FHIT: variants seen among roughly 807,000 people sequenced by gnomAD.
FHIT encodes bis(5'-adenosyl)-triphosphatase.
FHIT carries 19 observed loss-of-function variants against 17.9 expected under a neutral mutation model. The observed-to-expected ratio is 1.06, with a 90% CI of 0.74 to 1.56. The LOEUF (loss-of-function observed/expected upper bound fraction) is 1.56, where lower values mean the gene tolerates loss of function less well. Among genes scored for constraint, FHIT ranks in the 40% most tolerant of loss-of-function variants. The pLI is 0.00. For missense variants in FHIT, 248 were observed against 189.2 expected, an observed-to-expected ratio of 1.31 and a Z score of -1.82; for synonymous variants, 81 against 69.7, an observed-to-expected ratio of 1.16 and a Z score of -0.81.
chr3:60,139,807 T>C (rs1699960509), intron 5 of FHIT, among the ~76,000 whole-genome samples: 1 of 127,520 alleles, frequency 7.8e-6, no homozygotes, highest in African/African-American at 3.7e-5. Context: ...TTACCTTAAG[T>C]ACCTTTCATT....
rs1284631783 is a variant in FHIT at position 60,785,930 on chromosome 3, CACACAG to C, written c.-18+35983_-18+35988del. ...ACACACACACACACACACACACACA[CACACAG>C]AGAGAGTACTTTTCAAGATTAGTAA... is the stretch of plus-strand genomic sequence containing the variant. On this transcript the variant is annotated intron_variant, in intron 4 of 9. Coordinates refer to ENST00000492590, the MANE Select transcript of FHIT (RefSeq NM_002012.4). 3.3e-5 allele frequency among the ~76,000 whole-genome samples: 4 copies of C among 119,914 alleles called. No individual in the cohort carries two copies. In the East Asian group the frequency reaches 6.1e-4, roughly 18 times the overall value. 78.7% of individuals were successfully genotyped at this position (119,914 alleles called of 152,430 possible). A position where few individuals can be genotyped will look rare whatever the true frequency, so the allele number is the denominator to read the frequency against.
chr3:59,937,234 C>A (rs1706285699), intron 7 of FHIT, among the ~76,000 whole-genome samples: 2 of 152,098 alleles, frequency 1.3e-5, no homozygotes, highest in Admixed American at 6.5e-5. Flanking sequence ...ATAACTAAAA[C>A]ATGATGACAT....
intron 4 of FHIT, among the ~76,000 whole-genome samples, chr3:60,645,660 G>C (rs1233491429): frequency 1.3e-5 from 2 of 152,044 alleles, no homozygotes; most frequent in African/African-American, 4.8e-5. Context: ...CTGTATTATG[G>C]GTGGCTCTGT....
chr3:61,243,567 C>A (rs1278100065), intron 1 of FHIT, among the ~76,000 whole-genome samples: 1 of 152,106 alleles, frequency 6.6e-6, no homozygotes, highest in South Asian at 2.1e-4. Context: ...TCAAGCTACT[C>A]AATTAGAATG....
intron 5 of FHIT, among the ~76,000 whole-genome samples, chr3:60,284,981 A>G (rs1707652152): frequency 6.6e-6 from 1 of 152,152 alleles, no homozygotes. Context: ...GTTTTTGTCT[A>G]GTACGAAAGA....
In FHIT at chr3:61,048,575, C is replaced by T. The variant is rs2033903795; in HGVS notation, c.-163-6476G>A. 2.6e-5 allele frequency among the ~76,000 whole-genome samples: 4 copies of T among 152,166 alleles called. No homozygotes were observed. In the South Asian group the frequency reaches 8.3e-4, roughly 32 times the overall value. On this transcript the variant is annotated intron_variant, in intron 2 of 9. Transcript: ENST00000492590. The stretch of plus-strand genomic sequence containing the variant: ...CATTGTGGAAGACAGTGTGGCAATT[C>T]CTCAAGGATCTAGAACTAGAAATAC...
chr3:59,953,571 C>A (rs561278345), intron 7 of FHIT, among the ~76,000 whole-genome samples: 12 of 152,280 alleles, frequency 7.9e-5, no homozygotes, highest in African/African-American at 2.6e-4. Context: ...TTTTCCCCAA[C>A]AAAACTCATG....
At chr3:59,885,432 T>C (rs1703580370) in intron 8 of FHIT, among the ~76,000 whole-genome samples, 1 of 148,694 alleles carries the variant, frequency 6.7e-6, no homozygotes, top group African/African-American at 2.5e-5. Context: ...AAGTACATGC[T>C]ACCTGATGCT....
At chr3:60,522,894 C>A (rs142552001) in intron 5 of FHIT, among the ~76,000 whole-genome samples, 1 of 152,228 alleles carries the variant, frequency 6.6e-6, no homozygotes, top group Non-Finnish European at 1.5e-5. Flanking sequence ...TAAAGACACA[C>A]CCAAGACTGG....
chr3:60,438,415 C>T (rs2734379), intron 5 of FHIT, among the ~76,000 whole-genome samples: 1 of 151,852 alleles, frequency 6.6e-6, no homozygotes, highest in Non-Finnish European at 1.5e-5. Flanking sequence ...TAAAACTCCC[C>T]AAAACTCCCT....
chr3:60,960,361 T>C (rs781815225), intron 3 of FHIT, among the ~76,000 whole-genome samples: 7 of 152,294 alleles, frequency 4.6e-5, no homozygotes, highest in East Asian at 1.9e-4. Context: ...CTAAATCACA[T>C]TGGGAAAATT....
chr3:60,527,145 C>T (rs556025862), intron 5 of FHIT, among the ~76,000 whole-genome samples: 48 of 152,276 alleles, frequency 3.2e-4, no homozygotes, highest in African/African-American at 1.0e-3. Flanking sequence ...CTGCTGCACT[C>T]CTGAACTTCA....
chr3:59,951,324 C>T (rs754126562), intron 7 of FHIT, among the ~76,000 whole-genome samples: 1 of 152,154 alleles, frequency 6.6e-6, no homozygotes, highest in Non-Finnish European at 1.5e-5. Context: ...GACTTTGTAG[C>T]CATTGCTGTT....
chr3:61,086,680 C>T (rs962791377), intron 2 of FHIT, among the ~76,000 whole-genome samples: 2 of 152,068 alleles, frequency 1.3e-5, no homozygotes, highest in Non-Finnish European at 2.9e-5. Context: ...CCTTCAATAC[C>T]TTCAAACAAA....
intron 5 of FHIT, among the ~76,000 whole-genome samples, chr3:60,229,900 T>G (rs1169052445): frequency 2.6e-5 from 4 of 152,168 alleles, no homozygotes; most frequent in African/African-American, 7.2e-5. Context: ...GAGGACAGCT[T>G]GAGCCCAAGA....
intron 3 of FHIT, among the ~76,000 whole-genome samples, chr3:60,892,326 T>G (rs1705559364): frequency 6.6e-6 from 1 of 152,160 alleles, no homozygotes; most frequent in Non-Finnish European, 1.5e-5. Flanking sequence ...TTTCCAATAC[T>G]CTCAGCTTTA....
intron 4 of FHIT, among the ~76,000 whole-genome samples, chr3:60,574,331 T>A (rs1230981119): frequency 2.6e-5 from 4 of 151,116 alleles, no homozygotes; most frequent in South Asian, 2.1e-4. Flanking sequence ...TCACAAATTG[T>A]CCCCAGCATC....
rs1017705232 is a variant in FHIT, at chr3:60,475,954, T to C, written c.103+60906A>G. Reference sequence around the variant, plus strand: ...AAGCATGCCACAAAGTATTGTGTATTATGTGGGAAATAACACACAGGGAAC... The same window carrying C: ...AAGCATGCCACAAAGTATTGTGTATCATGTGGGAAATAACACACAGGGAAC... On this transcript the variant is annotated intron_variant, in intron 5 of 9. Coordinates refer to ENST00000492590, the MANE Select transcript of FHIT (RefSeq NM_002012.4). Among the ~76,000 whole-genome samples the C allele has an allele frequency of 1.3e-5, 2 of 152,200 alleles. 1 individual carries two copies. Among genetic ancestry groups the C allele is most frequent in the African/African-American group, 4.8e-5 (2 of 41,452 alleles).
chr3:59,900,676 C>A (rs1399376047), intron 8 of FHIT, among the ~76,000 whole-genome samples: 1 of 152,090 alleles, frequency 6.6e-6, no homozygotes, highest in African/African-American at 2.4e-5. Flanking sequence ...TGCAGTGGTG[C>A]GATCTCAGCT....
Sources: allele counts gnomAD v4.1 joint callset (sites outside exome capture counted in the v4.1 genomes callset), GRCh38; gene constraint gnomAD v4.1.1; transcripts MANE v1.5; gene names NCBI Gene and HGNC (gene_info 2026-07-23, HGNC 2026-07-21).